HCN1: variants seen among roughly 807,000 people sequenced by gnomAD.
The protein encoded by HCN1 is hyperpolarization activated cyclic nucleotide gated potassium channel 1.
A neutral mutation model predicts 78.9 loss-of-function variants in HCN1; 13 were observed. The observed-to-expected ratio is 0.16, with a 90% CI of 0.11 to 0.26. The LOEUF (loss-of-function observed/expected upper bound fraction) is 0.26, where lower values mean the gene tolerates loss of function less well. Ranked by LOEUF, HCN1 falls within the 10% of genes least tolerant of loss-of-function variation. The pLI is 1.00. For synonymous variants in HCN1, 552 were observed against 455.5 expected, an observed-to-expected ratio of 1.21 and a Z score of -2.70; for missense variants, 810 against 1,154.3, an observed-to-expected ratio of 0.70 and a Z score of 4.32.
intron 6 of HCN1, among the ~76,000 whole-genome samples, chr5:45,277,482 A>AT (rs1745086901): frequency 6.6e-6 from 1 of 152,138 alleles, no homozygotes; most frequent in Admixed American, 6.6e-5. Flanking sequence ...AAACAAAAAA[A>AT]CAATGCTAGG....
chr5:45,695,453 G>T (rs1015933006), intron 1 of HCN1, among the ~76,000 whole-genome samples: 2 of 152,160 alleles, frequency 1.3e-5, no homozygotes, highest in Admixed American at 6.5e-5. Flanking sequence ...GCCCGTCCGG[G>T]ATTCCCGGGC....
intron 3 of HCN1, among the ~76,000 whole-genome samples, chr5:45,455,476 C>T (rs1428118789): frequency 6.6e-6 from 1 of 151,946 alleles, no homozygotes; most frequent in Non-Finnish European, 1.5e-5. Context: ...GTCTCATCCT[C>T]TACCATGTGT....
chr5:45,597,505 G>A (rs1265924843), intron 2 of HCN1, among the ~76,000 whole-genome samples: 1 of 152,108 alleles, frequency 6.6e-6, no homozygotes, highest in Non-Finnish European at 1.5e-5. Context: ...TTGAAAACTG[G>A]CACAAGACAA....
At chr5:45,587,560 G>A (rs1398133825) in intron 2 of HCN1, among the ~76,000 whole-genome samples, 1 of 139,502 alleles carries the variant, frequency 7.2e-6, no homozygotes, top group East Asian at 2.5e-4. Flanking sequence ...GGGGTAGGGG[G>A]AGGGGGGAGG....
intron 4 of HCN1, among the ~76,000 whole-genome samples, chr5:45,364,019 T>A (rs1747180378): frequency 6.6e-6 from 1 of 152,110 alleles, no homozygotes; most frequent in South Asian, 2.1e-4. Context: ...TTTATTAGGC[T>A]CTGCTACTAG....
chr5:45,258,668 A>G lies in HCN1; in HGVS notation c.*3253T>C, dbSNP rs971882544. Reference sequence around the variant, plus strand: ...GCAGGGCCCAAGGCTATAAATATGAATATATTTATACAAACCTATTTTGTT... The same window carrying G: ...GCAGGGCCCAAGGCTATAAATATGAGTATATTTATACAAACCTATTTTGTT... On this transcript the variant is annotated 3_prime_UTR_variant, in exon 8 of 8. Transcript: ENST00000303230. The G allele has an allele frequency of 6.6e-6, 1 of 152,034 alleles. No homozygotes were observed. Among genetic ancestry groups the G allele is most frequent in the Non-Finnish European group, 1.5e-5 (1 of 67,974 alleles). The allele number at this position is 152,034 out of a possible 1,614,324, so 9.4% of individuals were successfully genotyped here.
At chr5:45,413,242 A>T (rs1260845487) in intron 3 of HCN1, among the ~76,000 whole-genome samples, 1 of 152,062 alleles carries the variant, frequency 6.6e-6, no homozygotes, top group Non-Finnish European at 1.5e-5. Context: ...TGAATGTGAG[A>T]TCCAAGCAAA....
intron 3 of HCN1, among the ~76,000 whole-genome samples, chr5:45,455,377 T>C (rs1741009373): frequency 6.6e-6 from 1 of 152,084 alleles, no homozygotes; most frequent in South Asian, 2.1e-4. Flanking sequence ...GCTTACATTT[T>C]GTCAAGTTTT....
intron 4 of HCN1, among the ~76,000 whole-genome samples, chr5:45,371,861 C>T (rs551921587): frequency 8.4e-5 from 10 of 119,174 alleles, no homozygotes; most frequent in African/African-American, 2.9e-4. Context: ...ATATAATATA[C>T]ATTAGTAATA....
intron 4 of HCN1, among the ~76,000 whole-genome samples, chr5:45,374,126 A>G (rs1198879494): frequency 6.1e-5 from 7 of 114,608 alleles, no homozygotes; most frequent in Middle Eastern, 6.8e-3. Flanking sequence ...AATATATATA[A>G]TATATATTAT....
rs980050726 is a variant in HCN1, at chr5:45,522,694, G to A, written c.850-60687C>T. ...CCATCAAAAAATATCTTTTGGAAAC[G>A]ACAACTCTGCTTTGAATTGACAACA... On this transcript the variant is annotated intron_variant, in intron 2 of 7. Transcript: ENST00000303230. Among the ~76,000 whole-genome samples, 2 of 150,228 alleles carry A rather than the reference G, an allele frequency of 1.3e-5. 1 individual carries two copies. Among genetic ancestry groups the A allele is most frequent in the Admixed American group, 1.3e-4 (2 of 14,976 alleles).
intron 2 of HCN1, among the ~76,000 whole-genome samples, chr5:45,526,345 C>T (rs1561189100): frequency 6.6e-6 from 1 of 152,040 alleles, no homozygotes; most frequent in Non-Finnish European, 1.5e-5. Flanking sequence ...CCTTCCTAAA[C>T]TAAACTCCCT....
chr5:45,644,951 A>G (rs1745514639), intron 2 of HCN1: 1 of 539,200 alleles, frequency 1.9e-6, no homozygotes, highest in Non-Finnish European at 3.2e-6. Flanking sequence ...ATTTAAAAAT[A>G]AAATAAATTG....
chr5:45,571,888 T>C, intron 2 of HCN1, among the ~76,000 whole-genome samples: 1 of 152,206 alleles, frequency 6.6e-6, no homozygotes, highest in East Asian at 1.9e-4. Context: ...CACTCCAGCC[T>C]GGGCAACACG....
At chr5:45,300,506 T>A (rs1227482949) in intron 6 of HCN1, among the ~76,000 whole-genome samples, 1 of 152,082 alleles carries the variant, frequency 6.6e-6, no homozygotes, top group Admixed American at 6.6e-5. Flanking sequence ...TCTTCCTTAT[T>A]AATTTTTAAA....
intron 5 of HCN1, among the ~76,000 whole-genome samples, chr5:45,335,802 T>C (rs1579819670): frequency 6.6e-6 from 1 of 152,074 alleles, no homozygotes; most frequent in South Asian, 2.1e-4. Context: ...GCAGTTATGA[T>C]CATTATTCAC....
rs559514521 is a variant in HCN1 at position 45,427,651 on chromosome 5, G to A, written c.1012-30941C>T. On this transcript the variant is annotated intron_variant, in intron 3 of 7. Transcript: ENST00000303230. ...ATAATTACATTGATCAATAATTAGT[G>A]TTGGTAAAATGTAATATTCCTAAGA... Among the ~76,000 whole-genome samples, 11 of 152,142 alleles carry A rather than the reference G, an allele frequency of 7.2e-5. No homozygotes were observed. The East Asian group carries it at 1.9e-3, about 27-fold the overall frequency.
In HCN1 at chr5:45,262,829, T is replaced by C; in HGVS notation, c.1784-19A>G. The stretch of plus-strand genomic sequence containing the variant: ...TTCTTTCCTGTCAGCAAAAGAAAGA[T>C]AGGCACTTAGAAAGCCTACCAATGA... On this transcript the variant is annotated intron_variant, in intron 7 of 7. Coordinates refer to ENST00000303230, the MANE Select transcript of HCN1 (RefSeq NM_021072.4). 4 of 1,612,514 alleles carry C rather than the reference T, an allele frequency of 2.5e-6. No individual in the cohort carries two copies. The highest frequency in any genetic ancestry group is 1.9e-4 in the Middle Eastern group (1 of 5,222).
intron 3 of HCN1, among the ~76,000 whole-genome samples, chr5:45,435,298 A>G (rs1402252202): frequency 2.6e-5 from 4 of 152,122 alleles, no homozygotes; most frequent in Non-Finnish European, 5.9e-5. Context: ...CTTCTGATAT[A>G]TCTCTTGCAG....
Sources: allele counts gnomAD v4.1 joint callset (sites outside exome capture counted in the v4.1 genomes callset), GRCh38; gene constraint gnomAD v4.1.1; transcripts MANE v1.5; gene names NCBI Gene and HGNC (gene_info 2026-07-23, HGNC 2026-07-21).